Variants in UTP4 observed in about 807,000 individuals in gnomAD.
The protein encoded by UTP4 is UTP4 small subunit processome component, also known as U3 small nucleolar RNA-associated protein 4 homolog.
A neutral mutation model predicts 82.4 loss-of-function variants in UTP4; 45 were observed. That is an observed-to-expected ratio of 0.55 (90% confidence interval 0.43 to 0.70). UTP4 has a LOEUF of 0.70. Ranked by LOEUF, UTP4 falls within the 30% of genes least tolerant of loss-of-function variation. UTP4 has a pLI of 0.00. For synonymous variants in UTP4, 348 were observed against 300.3 expected, an observed-to-expected ratio of 1.16 and a Z score of -1.64; for missense variants, 819 against 858.3, an observed-to-expected ratio of 0.95 and a Z score of 0.57.
intron 12 of UTP4, among the ~76,000 whole-genome samples, chr16:69,157,517 A>G (rs13332128): frequency 0.12 from 17,755 of 152,254 alleles, 1,275 homozygotes; most frequent in Middle Eastern, 0.23. Flanking sequence ...TTAGCAGAAC[A>G]AGAAGAAAGT....
intron 6 of UTP4, among the ~76,000 whole-genome samples, chr16:69,144,261 G>A (rs1963049333): frequency 6.6e-6 from 1 of 151,522 alleles, no homozygotes; most frequent in Non-Finnish European, 1.5e-5. Flanking sequence ...GAGTGCAGTG[G>A]CACAATCTTG....
intron 6 of UTP4, among the ~76,000 whole-genome samples, chr16:69,145,032 C>T (rs760110163): frequency 5.0e-4 from 76 of 151,870 alleles, no homozygotes; most frequent in Non-Finnish European, 7.6e-4. Flanking sequence ...ATCCCATCTA[C>T]TTGGGAGACT....
At chr16:69,161,901 T>A (rs1055735586) in intron 13 of UTP4, among the ~76,000 whole-genome samples, 1 of 151,664 alleles carries the variant, frequency 6.6e-6, no homozygotes, top group Non-Finnish European at 1.5e-5. Flanking sequence ...GACTCAAGCG[T>A]TCCTCCCGCC....
chr16:69,150,014 C>T (rs1382504700), intron 6 of UTP4, among the ~76,000 whole-genome samples: 1 of 152,188 alleles, frequency 6.6e-6, no homozygotes. Flanking sequence ...AGGAGTGAGC[C>T]ACCATGCCTG....
rs751754639 is a variant in UTP4 at position 69,168,862 on chromosome 16, G to A, written c.1986G>A (p.Val662=). 2 of 1,613,918 alleles carry A rather than the reference G, an allele frequency of 1.2e-6. No individual in the cohort carries two copies. Among genetic ancestry groups the A allele is most frequent in the East Asian group, 2.2e-5 (1 of 44,876 alleles). ...ATCTTTTGGATGAAAGAACACTCGT[G>A]GCAGTAGAACGGCCTCTGGATGACA... ...FMDLLDERTL[V]AVERPLDDII... The change falls in exon 17 of 17, where the codon GTG becomes GTA. Residue 662 remains valine, a synonymous_variant. Coordinates refer to ENST00000314423, the MANE Select transcript of UTP4 (RefSeq NM_032830.3).
intron 2 of UTP4, among the ~76,000 whole-genome samples, chr16:69,134,643 GAAGAACA>G (rs146132327): frequency 0.014 from 2,187 of 151,558 alleles, 63 homozygotes; most frequent in African/African-American, 0.051. Context: ...TCTGTGGTAT[GAAGAACA>G]TGCGCTGGCG....
chr16:69,150,707 A>C lies in UTP4; in HGVS notation c.909A>C (p.Gly303=). The C allele has an allele frequency of 6.2e-7, 1 of 1,614,186 alleles. No individual in the cohort carries two copies. Among genetic ancestry groups the C allele is most frequent in the Non-Finnish European group, 8.5e-7 (1 of 1,180,028 alleles). ...VAHSPTALIS[G]GTDTHLVFRP... ...ACAGCCCAACAGCGCTGATATCTGG[A>C]GGTGGGTTCCCCCTCTGGTGAGGCT... Residue 303 remains glycine, a splice_region_variant and synonymous_variant, in exon 7 of 17, where the codon GGA becomes GGC. Coordinates refer to ENST00000314423, the MANE Select transcript of UTP4 (RefSeq NM_032830.3).
At chr16:69,153,811 C>T in intron 9 of UTP4, 131 bp downstream of exon 9, 1 of 719,124 alleles carries the variant, frequency 1.4e-6, no homozygotes, top group Non-Finnish European at 2.5e-6. Context: ...ATGGTTTTCC[C>T]ACCCATTAGA....
chr16:69,135,143 TGA>T (rs1357039124), intron 2 of UTP4, among the ~76,000 whole-genome samples: 1 of 152,122 alleles, frequency 6.6e-6, no homozygotes, highest in Non-Finnish European at 1.5e-5. Flanking sequence ...TCCAATTTTA[TGA>T]GGATAGGAAC....
intron 12 of UTP4, among the ~76,000 whole-genome samples, chr16:69,158,308 G>C (rs755365024): frequency 2.7e-5 from 4 of 150,784 alleles, no homozygotes; most frequent in Non-Finnish European, 4.4e-5. Flanking sequence ...AAGTACACAG[G>C]AGCATACCAC....
rs528493530 is a variant in UTP4, at chr16:69,135,630, C to T, written c.160-1066C>T. Among the ~76,000 whole-genome samples, 3 of 152,220 alleles carry T rather than the reference C, an allele frequency of 2.0e-5. 1 individual carries two copies. The South Asian group carries it at 6.2e-4, about 32-fold the overall frequency. ...ACTTGGAGGGTTGAGGCGGAAGGAT[C>T]GCTTGAGCTCAGGAGGTTGAGGCTA... On this transcript the variant is annotated intron_variant, in intron 2 of 16. Transcript: ENST00000314423.
chr16:69,132,730 G>A (rs1282007875), intron 1 of UTP4, 41 bp downstream of exon 1: 1 of 252,082 alleles, frequency 4.0e-6, no homozygotes, highest in Non-Finnish European at 7.9e-6. Context: ...TGCGAGAGCT[G>A]GGGGGGTCTT....
At chr16:69,162,488 G>T (rs534463757) in intron 13 of UTP4, among the ~76,000 whole-genome samples, 4 of 151,012 alleles carry the variant, frequency 2.6e-5, no homozygotes, top group Non-Finnish European at 5.9e-5. Context: ...AAGGTGGGTG[G>T]ATCACCTGAG....
intron 14 of UTP4, among the ~76,000 whole-genome samples, chr16:69,163,879 A>G (rs1015777292): frequency 1.5e-5 from 2 of 134,516 alleles, no homozygotes; most frequent in Admixed American, 1.5e-4. Context: ...TTTGATGGTC[A>G]GTTTGTTTTT....
At chr16:69,142,488 A>G (rs1962985947) in intron 5 of UTP4, among the ~76,000 whole-genome samples, 2 of 152,168 alleles carry the variant, frequency 1.3e-5, no homozygotes, top group Admixed American at 6.5e-5. Context: ...TAGTCAGGGC[A>G]TGGCTATCTG....
intron 2 of UTP4, 75 bp downstream of exon 2, chr16:69,133,693 T>C: frequency 2.0e-6 from 3 of 1,491,206 alleles, no homozygotes. Flanking sequence ...GTATGTCTTT[T>C]ATAATCAAAC....
At chr16:69,162,957 G>A in intron 13 of UTP4, 126 bp from the exon 14 acceptor site, 1 of 777,590 alleles carries the variant, frequency 1.3e-6, no homozygotes, top group Non-Finnish European at 2.3e-6. Context: ...TGAAATTTTT[G>A]GAACTTCCCT....
At chr16:69,142,369 A>C (rs1351836370) in intron 5 of UTP4, 3 of 153,952 alleles carry the variant, frequency 1.9e-5, no homozygotes, top group Non-Finnish European at 4.3e-5. Flanking sequence ...ATTCAGTGAG[A>C]AATGTTCACT....
At chr16:69,161,543 T>C (rs977980429) in intron 13 of UTP4, among the ~76,000 whole-genome samples, 7 of 152,262 alleles carry the variant, frequency 4.6e-5, no homozygotes, top group Admixed American at 4.6e-4. Flanking sequence ...AAACCTGGTG[T>C]AGAGCTGTAG....
Sources: gnomAD v4.1 joint callset for allele counts (sites outside exome capture counted in the v4.1 genomes callset) on GRCh38, gnomAD v4.1.1 for gene constraint, MANE v1.5 for transcripts, NCBI Gene and HGNC (gene_info 2026-07-23, HGNC 2026-07-21) for gene names.